The following PCDHA3 variants were observed in gnomAD, a reference collection of about 807,000 sequenced individuals.
PCDHA3 encodes protocadherin alpha 3.
In PCDHA3, 41 loss-of-function variants were observed where a neutral mutation model predicts 62.2. The observed-to-expected ratio is 0.66, with a 90% CI of 0.51 to 0.86. The LOEUF is 0.86. Among genes scored for constraint, PCDHA3 ranks in the 40% least tolerant of loss-of-function variants. The pLI, the probability that PCDHA3 is intolerant of heterozygous loss-of-function variation, is 0.00. For synonymous variants in PCDHA3, 640 were observed against 555.4 expected (o/e 1.15, Z -2.14); for missense variants, 1,304 against 1,241.2 (o/e 1.05, Z -0.76).
chr5:140,882,351 G>A, intron 1 of PCDHA3: 1 of 1,614,214 alleles, frequency 6.2e-7, no homozygotes, highest in East Asian at 2.2e-5. Context: ...GAGACGGGTA[G>A]TGGCCAGCTC....
Position 140,862,663 on chromosome 5 carries a change from G to A in PCDHA3, c.2394+59072G>A, listed in dbSNP as rs1181876695. ...CACAGTGTCCGCGCGGGACCGGGAC[G>A]CGCAGGAGAACGTGCTGGTGTCCTA... On this transcript the variant is annotated intron_variant, in intron 1 of 3. Coordinates refer to ENST00000522353, the MANE Select transcript of PCDHA3 (RefSeq NM_018906.3). The A allele has an allele frequency of 1.5e-5, 8 of 547,042 alleles. No individual in the cohort carries two copies. In the East Asian group the frequency reaches 4.0e-4, roughly 27 times the overall value. The allele number at this position is 547,042 out of a possible 1,614,324, so 33.9% of individuals were successfully genotyped here.
chr5:140,896,008 T>C (rs1231092307), intron 1 of PCDHA3, among the ~76,000 whole-genome samples: 4 of 152,082 alleles, frequency 2.6e-5, no homozygotes, highest in Non-Finnish European at 4.4e-5. Flanking sequence ...ACAGGGTTTC[T>C]CCATGTTGGC....
chr5:140,858,041 C>A (rs1446194845), intron 1 of PCDHA3: 1 of 1,596,846 alleles, frequency 6.3e-7, no homozygotes, highest in East Asian at 2.2e-5. Context: ...GGCCACTGTG[C>A]TTGTGTCGCT....
chr5:140,911,894 A>G (rs1352900427), intron 1 of PCDHA3, among the ~76,000 whole-genome samples: 2 of 152,184 alleles, frequency 1.3e-5, no homozygotes, highest in Non-Finnish European at 2.9e-5. Context: ...CAAAATCTGT[A>G]TTAGTCAGAG....
chr5:140,869,666 A>C, intron 1 of PCDHA3: 12 of 1,613,524 alleles, frequency 7.4e-6, no homozygotes, highest in Non-Finnish European at 1.0e-5. Flanking sequence ...AATGGTAAGC[A>C]GATTAAAAGA....
chr5:140,828,568 T>G lies in PCDHA3; in HGVS notation c.2394+24977T>G. 6.2e-7 allele frequency: 1 copy of G among 1,614,248 alleles called. No homozygotes were observed. Among genetic ancestry groups the G allele is most frequent in the African/African-American group, 1.3e-5 (1 of 75,060 alleles). On this transcript the variant is annotated intron_variant, in intron 1 of 3. Coordinates refer to ENST00000522353, the MANE Select transcript of PCDHA3 (RefSeq NM_018906.3). ...TGTTTCCACTGGAGGGCGCGTCCGA[T>G]GCAGATGTTGGCTCAAATTCCATCT...
chr5:140,929,245 A>G, intron 1 of PCDHA3: 1 of 1,613,774 alleles, frequency 6.2e-7, no homozygotes. Flanking sequence ...AAATCTTGCC[A>G]CTGGGGTAGG....
rs2150425951 is a variant in PCDHA3 at position 140,848,946 on chromosome 5, C to A, written c.2394+45355C>A. The A allele has an allele frequency of 3.1e-6, 5 of 1,607,242 alleles. No individual in the cohort carries two copies. In the South Asian group the frequency reaches 5.5e-5, roughly 18 times the overall value. ...CGCGGAATCCAGGCCGCTTGACTCT[C>A]GGTTTCCACTAGAGGGCGCGTCCGA... On this transcript the variant is annotated intron_variant, in intron 1 of 3. Transcript: ENST00000522353.
intron 1 of PCDHA3, chr5:140,926,801 C>T: frequency 1.4e-6 from 2 of 1,451,506 alleles, no homozygotes; most frequent in Non-Finnish European, 9.0e-7. Flanking sequence ...GCGTGCTCTT[C>T]CCCGCGGCTC....
intron 1 of PCDHA3, among the ~76,000 whole-genome samples, chr5:140,920,418 G>C (rs1355987486): frequency 6.6e-6 from 1 of 151,868 alleles, no homozygotes; most frequent in Non-Finnish European, 1.5e-5. Flanking sequence ...AGATACAGCT[G>C]TTCTCCCACA....
At chr5:140,806,488 C>G (rs1763738573) in intron 1 of PCDHA3, among the ~76,000 whole-genome samples, 1 of 152,216 alleles carries the variant, frequency 6.6e-6, no homozygotes, top group Non-Finnish European at 1.5e-5. Context: ...TCAGCCCTGA[C>G]ATGACTCAAG....
chr5:140,900,127 T>A (rs528737566), intron 1 of PCDHA3, among the ~76,000 whole-genome samples: 2 of 152,328 alleles, frequency 1.3e-5, no homozygotes, highest in East Asian at 3.9e-4. Flanking sequence ...GATTTTTAGG[T>A]ACCACAAATA....
rs77940063 is a variant in PCDHA3, at chr5:140,966,638, T to G, written c.2395-12311T>G. Reference sequence around the variant, plus strand: ...ACGGAGGGAGCGGCCCCAGGCGCTTTCTAGAGCGTGAGCGGTGGGGGAGCA... The same window carrying G: ...ACGGAGGGAGCGGCCCCAGGCGCTTGCTAGAGCGTGAGCGGTGGGGGAGCA... On this transcript the variant is annotated intron_variant, in intron 1 of 3. Transcript: ENST00000522353. The G allele has an allele frequency of 3.9e-3, 4,251 of 1,090,104 alleles. 104 individuals carry two copies. The African/African-American group carries it at 0.057, about 15-fold the overall frequency. 67.5% of individuals were successfully genotyped at this position (1,090,104 alleles called of 1,614,324 possible).
chr5:140,927,614 A>G (rs1554204810), intron 1 of PCDHA3: 10 of 1,614,204 alleles, frequency 6.2e-6, no homozygotes, highest in South Asian at 1.1e-5. Flanking sequence ...TACCGCACCA[A>G]GGTTCCAGAG....
At chr5:140,856,540 C>T (rs1554148838) in intron 1 of PCDHA3, 1 of 1,598,278 alleles carries the variant, frequency 6.3e-7, no homozygotes, top group Non-Finnish European at 8.6e-7. Context: ...TTGGAGAGAA[C>T]GCATTGCTTA....
At chr5:140,843,387 C>T in intron 1 of PCDHA3, 1 of 1,596,066 alleles carries the variant, frequency 6.3e-7, no homozygotes, top group Non-Finnish European at 8.6e-7. Context: ...GTTTTGGGTC[C>T]GGAAGCGGCG....
chr5:140,809,232 C>T (rs1190740414), intron 1 of PCDHA3: 1 of 1,614,062 alleles, frequency 6.2e-7, no homozygotes, highest in Non-Finnish European at 8.5e-7. Flanking sequence ...TCCTCACGGG[C>T]GTTGGTGGGC....
chr5:140,861,445 G>A (rs1196401790), intron 1 of PCDHA3: 1 of 494,332 alleles, frequency 2.0e-6, no homozygotes, highest in Admixed American at 2.1e-5. Context: ...AAAAGCCGCA[G>A]AAACCTTCTG....
chr5:140,823,644 G>A, intron 1 of PCDHA3: 3 of 1,613,948 alleles, frequency 1.9e-6, no homozygotes, highest in Non-Finnish European at 2.5e-6. Flanking sequence ...CGTTCCGCGT[G>A]GGGCTGTACA....
Sources: allele counts gnomAD v4.1 joint callset (sites outside exome capture counted in the v4.1 genomes callset), GRCh38; gene constraint gnomAD v4.1.1; transcripts MANE v1.5; gene names NCBI Gene and HGNC (gene_info 2026-07-23, HGNC 2026-07-21).